Variants in ANKFN1 observed in about 807,000 individuals in gnomAD.
ANKFN1 encodes ankyrin repeat and fibronectin type III domain containing 1.
Under a neutral mutation model 108.7 loss-of-function variants are expected in ANKFN1, and 74 were observed. That is an observed-to-expected ratio of 0.68 (90% CI 0.56 to 0.83). The LOEUF (loss-of-function observed/expected upper bound fraction) is 0.83, where lower values mean the gene tolerates loss of function less well. Ranked by LOEUF, ANKFN1 falls within the 40% of genes least tolerant of loss-of-function variation. ANKFN1 has a pLI of 0.00. For synonymous variants in ANKFN1, 547 were observed against 516.2 expected (o/e 1.06, Z -0.81); for missense variants, 1,505 against 1,382.3 (o/e 1.09, Z -1.41).
intron 15 of ANKFN1, among the ~76,000 whole-genome samples, chr17:56,467,783 GAAAGAAAGAAGAAAGAAAGA>G (rs1313594194): frequency 8.4e-3 from 192 of 22,832 alleles, no homozygotes; most frequent in Admixed American, 0.019. Context: ...AAGAAAGAAA[GAAAGAAAGAAGAAAGAAAGA>G]AAGAAAGAAA....
At chr17:56,414,746 A>C (rs1346218638) in intron 8 of ANKFN1, among the ~76,000 whole-genome samples, 2 of 152,214 alleles carry the variant, frequency 1.3e-5, no homozygotes, top group Non-Finnish European at 2.9e-5. Context: ...AAGGCTAGGC[A>C]TGGTGGCTCA....
At chr17:56,398,173 G>A (rs2047643154) in intron 8 of ANKFN1, among the ~76,000 whole-genome samples, 1 of 151,980 alleles carries the variant, frequency 6.6e-6, no homozygotes, top group Non-Finnish European at 1.5e-5. Context: ...CAGAGACTAT[G>A]CCTATTTAAT....
intron 8 of ANKFN1, among the ~76,000 whole-genome samples, chr17:56,406,225 A>G (rs1197129688): frequency 6.6e-6 from 1 of 152,222 alleles, no homozygotes; most frequent in African/African-American, 2.4e-5. Context: ...AATAGAAAAT[A>G]TTCAAAAGTA....
chr17:56,276,231 T>A (rs1266962459), intron 3 of ANKFN1, among the ~76,000 whole-genome samples: 1 of 152,230 alleles, frequency 6.6e-6, no homozygotes, highest in Non-Finnish European at 1.5e-5. Context: ...GGCGTATATG[T>A]GCCACATTTT....
intron 4 of ANKFN1, among the ~76,000 whole-genome samples, chr17:56,345,216 A>C (rs1359030957): frequency 6.6e-6 from 1 of 152,128 alleles, no homozygotes; most frequent in African/African-American, 2.4e-5. Context: ...TGCAAAGGAC[A>C]TGAGCTCATT....
At chr17:56,448,205 T>C (rs899233459) in intron 10 of ANKFN1, among the ~76,000 whole-genome samples, 1 of 151,786 alleles carries the variant, frequency 6.6e-6, no homozygotes, top group Non-Finnish European at 1.5e-5. Flanking sequence ...TTCTGTTTTT[T>C]CCTCCAGAAA....
chr17:56,238,739 G>T (rs1405698952), intron 3 of ANKFN1, among the ~76,000 whole-genome samples: 1 of 152,132 alleles, frequency 6.6e-6, no homozygotes. Context: ...AATGCAAGTT[G>T]TTTAACTGTA....
At chr17:56,081,558 G>A (rs182393736) in intron 4 of ANKFN1, among the ~76,000 whole-genome samples, 36 of 152,210 alleles carry the variant, frequency 2.4e-4, no homozygotes, top group African/African-American at 7.5e-4. Flanking sequence ...TCACCATGTT[G>A]GTTAGGCTGA....
At chr17:56,118,285 A>G (rs535143260) in intron 4 of ANKFN1, among the ~76,000 whole-genome samples, 1 of 152,314 alleles carries the variant, frequency 6.6e-6, no homozygotes, top group African/African-American at 2.4e-5. Context: ...CTCTGTATTT[A>G]ACTCTTTGAG....
At chr17:56,457,087 A>T in intron 12 of ANKFN1, 127 bp downstream of exon 12, 2 of 1,182,300 alleles carry the variant, frequency 1.7e-6, no homozygotes, top group Non-Finnish European at 2.4e-6. Context: ...TCTCCTGAGA[A>T]TTTGTGTAAG....
intron 15 of ANKFN1, chr17:56,471,598 T>C (rs1359184042): frequency 1.3e-5 from 2 of 152,196 alleles, no homozygotes; most frequent in African/African-American, 4.8e-5. Flanking sequence ...CCAATGTTCA[T>C]AGAAGCATTA....
intron 15 of ANKFN1, 31 bp downstream of exon 15, chr17:56,466,602 T>G: frequency 1.9e-6 from 3 of 1,540,042 alleles, no homozygotes; most frequent in Non-Finnish European, 2.6e-6. Flanking sequence ...TTCCCGGGTA[T>G]ACTTAAGGTT....
chr17:56,445,377 G>A (rs1049836140), intron 10 of ANKFN1, among the ~76,000 whole-genome samples: 1 of 152,210 alleles, frequency 6.6e-6, no homozygotes, highest in South Asian at 2.1e-4. Flanking sequence ...CAGCCCATTT[G>A]AGGTGCCATC....
intron 3 of ANKFN1, among the ~76,000 whole-genome samples, chr17:56,303,635 ACAC>A (rs1189402549): frequency 6.6e-6 from 1 of 152,168 alleles, no homozygotes; most frequent in Non-Finnish European, 1.5e-5. Flanking sequence ...GTAGCTCTAC[ACAC>A]ATGCTGTTGA....
intron 1 of ANKFN1, among the ~76,000 whole-genome samples, chr17:56,185,234 TTTTCAGCATAGAGC>T (rs1912078620): frequency 6.6e-6 from 1 of 152,126 alleles, no homozygotes; most frequent in African/African-American, 2.4e-5. Flanking sequence ...TGTGATCCAG[TTTTCAGCATAGAGC>T]CTGACAGTAG....
At chr17:56,162,346 G>A (rs958451051) in intron 1 of ANKFN1, among the ~76,000 whole-genome samples, 1 of 152,200 alleles carries the variant, frequency 6.6e-6, no homozygotes, top group African/African-American at 2.4e-5. Flanking sequence ...GAGGCTGGAA[G>A]CCCAAGATCA....
intron 1 of ANKFN1, among the ~76,000 whole-genome samples, chr17:56,157,091 A>C (rs555557393): frequency 2.6e-5 from 4 of 152,170 alleles, no homozygotes; most frequent in Non-Finnish European, 5.9e-5. Flanking sequence ...TCTTTTGAGG[A>C]GAGCACTGTA....
chr17:56,213,755 T>C (rs756670352), intron 2 of ANKFN1, among the ~76,000 whole-genome samples: 2 of 152,224 alleles, frequency 1.3e-5, no homozygotes, highest in Admixed American at 6.5e-5. Context: ...TCAGTCCACA[T>C]AACTCTTACC....
intron 15 of ANKFN1, among the ~76,000 whole-genome samples, chr17:56,476,554 C>T (rs895346153): frequency 3.3e-5 from 5 of 152,264 alleles, no homozygotes; most frequent in African/African-American, 1.2e-4. Flanking sequence ...AATTTAAAAT[C>T]TTGTAAAAGA....
Sources: gnomAD v4.1 joint callset for allele counts (sites outside exome capture counted in the v4.1 genomes callset) on GRCh38, gnomAD v4.1.1 for gene constraint, MANE v1.5 for transcripts, NCBI Gene and HGNC (gene_info 2026-07-23, HGNC 2026-07-21) for gene names.